APBA1: variants seen among roughly 807,000 people sequenced by gnomAD.
APBA1 encodes the protein amyloid beta precursor protein binding family A member 1.
Under a neutral mutation model 86.6 loss-of-function variants are expected in APBA1, and 55 were observed. That is an observed-to-expected ratio of 0.64 (90% confidence interval 0.51 to 0.80). APBA1 has a LOEUF of 0.80. Among genes scored for constraint, APBA1 ranks in the 30% least tolerant of loss-of-function variants. The pLI is 0.00. For synonymous variants in APBA1, 511 were observed against 493.9 expected, an observed-to-expected ratio of 1.03 and a Z score of -0.46; for missense variants, 1,090 against 1,183.0, an observed-to-expected ratio of 0.92 and a Z score of 1.15.
At chr9:69,633,357 A>G (rs975149766) in intron 1 of APBA1, among the ~76,000 whole-genome samples, 1 of 152,110 alleles carries the variant, frequency 6.6e-6, no homozygotes, top group Admixed American at 6.6e-5. Context: ...TTTTCAACAT[A>G]CAGCCGTGCA....
intron 2 of APBA1, among the ~76,000 whole-genome samples, chr9:69,505,357 G>A (rs778441931): frequency 6.6e-6 from 1 of 151,982 alleles, no homozygotes; most frequent in African/African-American, 2.4e-5. Context: ...CCCTGGCCAC[G>A]CTTAACTTCT....
chr9:69,609,092 T>A (rs1016103549), intron 1 of APBA1, among the ~76,000 whole-genome samples: 1 of 152,216 alleles, frequency 6.6e-6, no homozygotes, highest in African/African-American at 2.4e-5. Context: ...TCAATTCTAC[T>A]TATTCATTAA....
At chr9:69,455,968 T>C (rs1426740104) in intron 8 of APBA1, among the ~76,000 whole-genome samples, 1 of 152,142 alleles carries the variant, frequency 6.6e-6, no homozygotes, top group Non-Finnish European at 1.5e-5. Flanking sequence ...CCCCTGTCCC[T>C]CCATCCCCTG....
At chr9:69,466,518 C>A (rs1278236224) in intron 5 of APBA1, among the ~76,000 whole-genome samples, 1 of 152,208 alleles carries the variant, frequency 6.6e-6, no homozygotes, top group African/African-American at 2.4e-5. Flanking sequence ...GCTTCCCCTG[C>A]ACTCTGGTGG....
intron 1 of APBA1, among the ~76,000 whole-genome samples, chr9:69,649,755 A>G (rs1053382218): frequency 4.6e-5 from 7 of 152,228 alleles, no homozygotes; most frequent in Admixed American, 3.9e-4. Context: ...TTGCCAAACA[A>G]GAGTCAGTTT....
chr9:69,456,792 G>T (rs1476380772), intron 7 of APBA1, among the ~76,000 whole-genome samples: 3 of 151,974 alleles, frequency 2.0e-5, no homozygotes, highest in Non-Finnish European at 4.4e-5. Flanking sequence ...AGACAAATTT[G>T]TTCACATTAA....
At chr9:69,556,930 C>T (rs1448820095) in intron 1 of APBA1, among the ~76,000 whole-genome samples, 4 of 152,062 alleles carry the variant, frequency 2.6e-5, no homozygotes, top group Non-Finnish European at 5.9e-5. Context: ...CTTCAGGGAT[C>T]GCTGCGTTTC....
At chr9:69,443,936 T>C (rs1267200745) in intron 10 of APBA1, among the ~76,000 whole-genome samples, 24 of 152,180 alleles carry the variant, frequency 1.6e-4, no homozygotes, top group Non-Finnish European at 3.4e-4. Context: ...GCCATCTTTT[T>C]AGTTCATTTT....
At chr9:69,486,601 T>C (rs1835613726) in intron 2 of APBA1, among the ~76,000 whole-genome samples, 1 of 151,920 alleles carries the variant, frequency 6.6e-6, no homozygotes, top group Non-Finnish European at 1.5e-5. Context: ...CATCAGGCAA[T>C]GCTTTGTGGG....
In APBA1 at chr9:69,505,847, G is replaced by A. The variant is rs183377325; in HGVS notation, c.1200+10164C>T. 1.7e-3 allele frequency among the ~76,000 whole-genome samples: 256 copies of A among 151,884 alleles called. 1 individual carries two copies. The highest frequency in any genetic ancestry group is 3.1e-3 in the Non-Finnish European group (209 of 67,956). On this transcript the variant is annotated intron_variant, in intron 2 of 12. Transcript: ENST00000265381. ...AGCCTGGCCAATATGGCAAAACCCCGTCTCTACTAAAAAATACAAAAATTA... is the reference window on the plus strand; with the variant it reads ...AGCCTGGCCAATATGGCAAAACCCCATCTCTACTAAAAAATACAAAAATTA...
intron 2 of APBA1, among the ~76,000 whole-genome samples, chr9:69,512,693 T>A (rs1354564447): frequency 6.6e-6 from 1 of 152,124 alleles, no homozygotes; most frequent in Non-Finnish European, 1.5e-5. Context: ...TTCCTTTAAA[T>A]CAGTAGTTCT....
intron 9 of APBA1, among the ~76,000 whole-genome samples, chr9:69,450,868 A>G (rs1306793850): frequency 1.3e-5 from 2 of 152,138 alleles, no homozygotes; most frequent in Admixed American, 1.3e-4. Context: ...TGCATGGAGA[A>G]AGGCTGATGT....
chr9:69,491,742 T>C (rs1166092119), intron 2 of APBA1, among the ~76,000 whole-genome samples: 1 of 150,624 alleles, frequency 6.6e-6, no homozygotes, highest in Non-Finnish European at 1.5e-5. Context: ...ACATACATAG[T>C]TACATTTCAT....
chr9:69,520,983 A>T (rs1165676724), intron 1 of APBA1, among the ~76,000 whole-genome samples: 1 of 152,204 alleles, frequency 6.6e-6, no homozygotes, highest in Non-Finnish European at 1.5e-5. Flanking sequence ...CTCTTCAGTG[A>T]TTCCCTTCTA....
chr9:69,476,145 T>C lies in APBA1; in HGVS notation c.1201-2A>G. On this transcript the variant is annotated splice_acceptor_variant, in intron 2 of 12. Coordinates refer to ENST00000265381, the MANE Select transcript of APBA1 (RefSeq NM_001163.4). LOFTEE classifies it high-confidence loss of function. ...GGAGGAGCTGCCAGGAGACGGAGAC[T>C]AGAACACAGCAAGAGGAAACACAGT... The C allele has an allele frequency of 6.2e-7, 1 of 1,609,006 alleles. No individual in the cohort carries two copies. The highest frequency in any genetic ancestry group is 8.5e-7 in the Non-Finnish European group (1 of 1,176,168).
At chr9:69,485,871 A>G (rs1294606909) in intron 2 of APBA1, among the ~76,000 whole-genome samples, 1 of 152,180 alleles carries the variant, frequency 6.6e-6, no homozygotes, top group African/African-American at 2.4e-5. Context: ...CAAGAAATGT[A>G]TCATCCTGTC....
At position 69,523,497 on chromosome 9, in the gene APBA1, GTATATATATATA is replaced by G. The variant is rs869242999; in HGVS notation, c.-69-6230_-69-6219del. ...TATATGTATATATATATATATATAT[GTATATATATATA>G]TATATATATATATATATATATATAG... On this transcript the variant is annotated intron_variant, in intron 1 of 12. Transcript: ENST00000265381. Among the ~76,000 whole-genome samples the G allele has an allele frequency of 4.2e-4, 13 of 30,908 alleles. No homozygotes were observed. In the East Asian group the frequency reaches 6.2e-3, roughly 15 times the overall value. The allele number at this position is 30,908 out of a possible 152,430, so 20.3% of individuals were successfully genotyped here. A position where few individuals can be genotyped will look rare whatever the true frequency, so the allele number is the denominator to read the frequency against.
At chr9:69,615,595 A>G (rs1461281958) in intron 1 of APBA1, among the ~76,000 whole-genome samples, 1 of 152,204 alleles carries the variant, frequency 6.6e-6, no homozygotes, top group African/African-American at 2.4e-5. Flanking sequence ...GCCTCAATAG[A>G]TTTTAAATCT....
In APBA1 at chr9:69,516,473, G is replaced by A. The variant is rs1448278340; in HGVS notation, c.738C>T (p.Ser246=). 2 of 1,601,250 alleles carry A rather than the reference G, an allele frequency of 1.2e-6. No homozygotes were observed. The highest frequency in any genetic ancestry group is 1.7e-5 in the Admixed American group (1 of 59,778). The part of the protein sequence containing the change: ...HHYDERSDGE[S]DSPEKEAEFA... ...ACTCGGCCTCCTTCTCGGGGCTGTC[G>A]GACTCGCCGTCGGAGCGCTCGTCGT... is the stretch of plus-strand genomic sequence containing the variant. Residue 246 remains serine, a synonymous_variant, in exon 2 of 13, where the codon TCC becomes TCT. Transcript: ENST00000265381. This position sits in a 1 kb window ranked among gnomAD's most constrained non-coding sequence, Gnocchi z 7.3.
Sources: gnomAD v4.1 joint callset for allele counts (sites outside exome capture counted in the v4.1 genomes callset) on GRCh38, gnomAD v4.1.1 for gene constraint, Gnocchi (gnomAD v3.1) non-coding constraint, MANE v1.5 for transcripts, NCBI Gene and HGNC (gene_info 2026-07-23, HGNC 2026-07-21) for gene names.